DPP10: variants seen among roughly 807,000 people sequenced by gnomAD.
The protein encoded by DPP10 is dipeptidyl peptidase like 10, also known as inactive dipeptidyl peptidase 10.
In DPP10, 33 loss-of-function variants were observed where a neutral mutation model predicts 120.9. That is an observed-to-expected ratio of 0.27 (90% CI 0.21 to 0.37). The LOEUF is 0.37. Among genes scored for constraint, DPP10 ranks in the 10% least tolerant of loss-of-function variants. The pLI is 1.00. For synonymous variants in DPP10, 337 were observed against 326.1 expected (o/e 1.03, Z -0.36); for missense variants, 816 against 942.8 (o/e 0.87, Z 1.76).
intron 9 of DPP10, among the ~76,000 whole-genome samples, chr2:115,743,379 T>G (rs1415924964): frequency 6.6e-6 from 1 of 152,070 alleles, no homozygotes. Context: ...TGTGATAAGC[T>G]TATAGCGCTG....
chr2:115,507,838 A>G (rs1246823331), intron 4 of DPP10, among the ~76,000 whole-genome samples: 1 of 152,146 alleles, frequency 6.6e-6, no homozygotes, highest in Non-Finnish European at 1.5e-5. Context: ...AGGCTATTGC[A>G]GTGGTACAAG....
intron 1 of DPP10, among the ~76,000 whole-genome samples, chr2:115,272,507 G>T (rs1390688116): frequency 6.6e-6 from 1 of 152,162 alleles, no homozygotes; most frequent in Non-Finnish European, 1.5e-5. Flanking sequence ...ATAGAATCAA[G>T]ATTACTTGTT....
intron 1 of DPP10, among the ~76,000 whole-genome samples, chr2:115,076,426 A>G (rs1018246745): frequency 2.0e-5 from 3 of 151,902 alleles, no homozygotes; most frequent in Non-Finnish European, 4.4e-5. Context: ...ATGACTATAG[A>G]GAAACAGATC....
At chr2:114,941,819 CT>C (rs1696921898) in intron 1 of DPP10, among the ~76,000 whole-genome samples, 1 of 152,108 alleles carries the variant, frequency 6.6e-6, no homozygotes, top group African/African-American at 2.4e-5. Context: ...TCTGTCACAC[CT>C]GTGATGATCT....
intron 5 of DPP10, among the ~76,000 whole-genome samples, chr2:115,614,382 C>T (rs2084336369): frequency 6.6e-6 from 1 of 152,028 alleles, no homozygotes; most frequent in Admixed American, 6.6e-5. Context: ...CTCTGTTGGT[C>T]AACATTTTCT....
intron 1 of DPP10, among the ~76,000 whole-genome samples, chr2:115,055,968 A>T (rs1473335704): frequency 6.6e-6 from 1 of 152,228 alleles, no homozygotes; most frequent in Non-Finnish European, 1.5e-5. Context: ...ATTATAAAGG[A>T]TGTAAAAATG....
At chr2:115,561,431 C>G (rs957350945) in intron 5 of DPP10, among the ~76,000 whole-genome samples, 10 of 149,328 alleles carry the variant, frequency 6.7e-5, no homozygotes, top group Non-Finnish European at 1.5e-4. Flanking sequence ...GTTATCACGT[C>G]CAAAAAAAGT....
At chr2:114,962,102 T>G (rs944360072) in intron 1 of DPP10, among the ~76,000 whole-genome samples, 40 of 152,232 alleles carry the variant, frequency 2.6e-4, no homozygotes, top group African/African-American at 8.0e-4. Context: ...GGGCTCATTA[T>G]GTGCTATACT....
chr2:115,023,541 C>T (rs1167178810), intron 1 of DPP10, among the ~76,000 whole-genome samples: 18 of 151,790 alleles, frequency 1.2e-4, no homozygotes, highest in African/African-American at 2.7e-4. Context: ...TTTATACTGT[C>T]GGTGGGAATG....
chr2:114,710,222 C>T (rs62165219), intron 1 of DPP10, among the ~76,000 whole-genome samples: 15,600 of 152,266 alleles, frequency 0.1, 1,106 homozygotes, highest in Middle Eastern at 0.18. Flanking sequence ...TGCTTATTTT[C>T]TACAGCTTCT....
intron 1 of DPP10, among the ~76,000 whole-genome samples, chr2:114,691,562 G>A (rs1285955194): frequency 2.0e-5 from 3 of 152,042 alleles, no homozygotes; most frequent in African/African-American, 7.2e-5. Context: ...TTTTGTATCC[G>A]GATGATGCTG....
intron 1 of DPP10, among the ~76,000 whole-genome samples, chr2:114,852,088 C>T (rs1315092086): frequency 6.8e-6 from 1 of 147,648 alleles, no homozygotes; most frequent in Non-Finnish European, 1.5e-5. Context: ...CATCTTTCCA[C>T]TTATGCCATC....
intron 3 of DPP10, among the ~76,000 whole-genome samples, chr2:115,493,928 A>G (rs929225664): frequency 2.6e-5 from 4 of 152,004 alleles, no homozygotes; most frequent in Non-Finnish European, 5.9e-5. Flanking sequence ...AGAGAAAAAC[A>G]CCAGACTTAA....
At chr2:115,686,241 G>T (rs1376791894) in intron 5 of DPP10, among the ~76,000 whole-genome samples, 1 of 152,008 alleles carries the variant, frequency 6.6e-6, no homozygotes, top group Non-Finnish European at 1.5e-5. Context: ...GAGTTGTCCT[G>T]TCTTCCTTAG....
chr2:114,930,213 C>A (rs1173299850), intron 1 of DPP10, among the ~76,000 whole-genome samples: 2 of 152,190 alleles, frequency 1.3e-5, no homozygotes, highest in East Asian at 3.9e-4. Context: ...GGTTTTACTG[C>A]AGTACCCTTG....
chr2:115,433,440 T>C (rs1468084527), intron 3 of DPP10, among the ~76,000 whole-genome samples: 1 of 152,042 alleles, frequency 6.6e-6, no homozygotes, highest in Admixed American at 6.6e-5. Flanking sequence ...TGTGTAAATG[T>C]ATAAATACAT....
chr2:115,595,282 A>T (rs1014925319), intron 5 of DPP10, among the ~76,000 whole-genome samples: 2 of 152,118 alleles, frequency 1.3e-5, no homozygotes, highest in African/African-American at 2.4e-5. Context: ...GTTAAAAAAA[A>T]TCTGTTACTA....
At chr2:115,208,497 G>A (rs2056307177) in intron 1 of DPP10, among the ~76,000 whole-genome samples, 1 of 152,164 alleles carries the variant, frequency 6.6e-6, no homozygotes, top group Admixed American at 6.5e-5. Context: ...GAAGAGAAAT[G>A]TTTAATGGCA....
At chr2:115,452,050 C>T (rs572289931) in intron 3 of DPP10, among the ~76,000 whole-genome samples, 44 of 151,968 alleles carry the variant, frequency 2.9e-4, no homozygotes, top group African/African-American at 1.1e-3. Context: ...AAATAAGTAT[C>T]TTAAGGTCAC....
Sources: allele counts gnomAD v4.1 joint callset (sites outside exome capture counted in the v4.1 genomes callset), GRCh38; gene constraint gnomAD v4.1.1; transcripts MANE v1.5; gene names NCBI Gene and HGNC (gene_info 2026-07-23, HGNC 2026-07-21).